The following ADPRM variants were observed in gnomAD, a reference collection of about 807,000 sequenced individuals.
The protein encoded by ADPRM is ADP-ribose/CDP-alcohol diphosphatase, manganese dependent, also known as manganese-dependent ADP-ribose/CDP-alcohol diphosphatase.
ADPRM carries 17 observed loss-of-function variants against 27.2 expected under a neutral mutation model. The observed-to-expected ratio is 0.63, with a 90% confidence interval of 0.43 to 0.94. The LOEUF (loss-of-function observed/expected upper bound fraction) is 0.94. ADPRM is among the 40% of genes least tolerant of loss of function. ADPRM has a pLI of 0.00. For synonymous variants in ADPRM, 135 were observed against 145.3 expected (o/e 0.93, Z 0.51); for missense variants, 337 against 412.8 (o/e 0.82, Z 1.59).
At chr17:10,710,674 C>T (rs904335701) in intron 3 of ADPRM, among the ~76,000 whole-genome samples, 160 bp from the exon 4 acceptor site, 1 of 152,118 alleles carries the variant, frequency 6.6e-6, no homozygotes, top group African/African-American at 2.4e-5. Flanking sequence ...CTGTAGATGG[C>T]CTAGTTTTCT....
At chr17:10,700,592 A>AGAAAAAAAAAAAAAAGCC (rs1251831613) in intron 1 of ADPRM, among the ~76,000 whole-genome samples, 2 of 149,146 alleles carry the variant, frequency 1.3e-5, no homozygotes, top group African/African-American at 5.1e-5. Flanking sequence ...TCTCTACAAA[A>AGAAAAAAAAAAAAAAGCC]GAAAAAAAAA....
At chr17:10,706,396 GA>G in intron 2 of ADPRM, 41 bp from the exon 3 acceptor site, 9 of 1,420,346 alleles carry the variant, frequency 6.3e-6, no homozygotes, top group Admixed American at 3.8e-5. Context: ...CAAATGAGGG[GA>G]AAAATGACTT....
At chr17:10,706,884 C>G (rs932690802) in intron 3 of ADPRM, among the ~76,000 whole-genome samples, 7 of 152,070 alleles carry the variant, frequency 4.6e-5, no homozygotes, top group Admixed American at 2.0e-4. Context: ...TGTAGATTCA[C>G]GTGCATTTGT....
At chr17:10,706,396 G>GA in intron 2 of ADPRM, 42 bp from the exon 3 acceptor site, 2 of 1,420,426 alleles carry the variant, frequency 1.4e-6, no homozygotes, top group South Asian at 2.5e-5. Flanking sequence ...CAAATGAGGG[G>GA]AAAAATGACT....
At chr17:10,699,887 T>C (rs1333545989) in intron 1 of ADPRM, among the ~76,000 whole-genome samples, 1 of 152,218 alleles carries the variant, frequency 6.6e-6, no homozygotes, top group Non-Finnish European at 1.5e-5. Flanking sequence ...TCATCTGATA[T>C]TGGTTCTATC....
In ADPRM at chr17:10,708,450, A is replaced by AAAAAAAAAAAAAAC. The variant is rs57337863; in HGVS notation, c.718+1896_718+1897insAAAAAAAAAAAAAC. ...GTCTCAAAAAAAAAAAAAAAAAAAAACCTTTGAAAATGATAGGCTATTCAG... is the reference window on the plus strand; with the variant it reads ...GTCTCAAAAAAAAAAAAAAAAAAAAAAAAAAAAAAAAAACCCTTTGAAAATGATAGGCTATTCAG... On this transcript the variant is annotated intron_variant, in intron 3 of 3. Transcript: ENST00000379774. Among the ~76,000 whole-genome samples, 15 of 118,938 alleles carry AAAAAAAAAAAAAAC rather than the reference A, an allele frequency of 1.3e-4. 3 individuals carry two copies. The highest frequency in any genetic ancestry group is 2.5e-4 in the East Asian group (1 of 4,024). The allele number at this position is 118,938 out of a possible 152,430, so 78.0% of individuals were successfully genotyped here.
rs545976341 is a variant in ADPRM, at chr17:10,702,066, C to G, written c.-17-2844C>G. On this transcript the variant is annotated intron_variant, in intron 1 of 3. Coordinates refer to ENST00000379774, the MANE Select transcript of ADPRM (RefSeq NM_020233.5). This position sits in a 1 kb window ranked among gnomAD's most constrained non-coding sequence, Gnocchi z 4.2. Reference sequence around the variant, plus strand: ...AGCTCAAAGGAAATGTTAATTGGAGCATTTTGGATTTTGGATTTTCAGATC... The same window carrying G: ...AGCTCAAAGGAAATGTTAATTGGAGGATTTTGGATTTTGGATTTTCAGATC... 6.6e-6 allele frequency among the ~76,000 whole-genome samples: 1 copy of G among 152,276 alleles called. No individual in the cohort carries two copies. The highest frequency in any genetic ancestry group is 2.1e-4 in the South Asian group (1 of 4,822).
chr17:10,699,049 T>G (rs563277767), intron 1 of ADPRM: 3 of 152,336 alleles, frequency 2.0e-5, no homozygotes, highest in Admixed American at 6.5e-5. Flanking sequence ...CTAAAGTGCT[T>G]CTTTTAGTAG....
At chr17:10,698,709 T>G (rs2074753202) in intron 1 of ADPRM, among the ~76,000 whole-genome samples, 1 of 152,258 alleles carries the variant, frequency 6.6e-6, no homozygotes, top group African/African-American at 2.4e-5. Flanking sequence ...CCTGTGTTTC[T>G]TGATTCGCGG....
In ADPRM at chr17:10,711,221, T is replaced by A; in HGVS notation, c.*77T>A. 2 of 1,188,888 alleles carry A rather than the reference T, an allele frequency of 1.7e-6. No homozygotes were observed. The highest frequency in any genetic ancestry group is 2.3e-6 in the Non-Finnish European group (2 of 856,086). The allele number at this position is 1,188,888 out of a possible 1,614,324, so 73.6% of individuals were successfully genotyped here. A position where few individuals can be genotyped will look rare whatever the true frequency, so the allele number is the denominator to read the frequency against. ...AACAAAAAAATAAAAATCCTCTGTC[T>A]CATTGTTTAGTATTCAGCTTGCATA... On this transcript the variant is annotated 3_prime_UTR_variant, in exon 4 of 4. Transcript: ENST00000379774.
chr17:10,709,080 A>T (rs408300), intron 3 of ADPRM, among the ~76,000 whole-genome samples: 75,425 of 151,706 alleles, frequency 0.5, 19,495 homozygotes, highest in African/African-American at 0.65. Flanking sequence ...TAATAAAAAA[A>T]TTTTCTTTTG....
Position 10,705,554 on chromosome 17 carries a change from C to G in ADPRM, c.601+27C>G. On this transcript the variant is annotated intron_variant, in intron 2 of 3. Transcript: ENST00000379774. This position sits in a 1 kb window ranked among gnomAD's most constrained non-coding sequence, Gnocchi z 5.4. Reference sequence around the variant, plus strand: ...TGAATTATTCCTTTGAGCTGAGAATCTAATAGATTGTCTTTAAATTCTTCA... The same window carrying G: ...TGAATTATTCCTTTGAGCTGAGAATGTAATAGATTGTCTTTAAATTCTTCA... 1 of 1,599,384 alleles carries G rather than the reference C, an allele frequency of 6.3e-7. No individual in the cohort carries two copies. Among genetic ancestry groups the G allele is most frequent in the South Asian group, 1.1e-5 (1 of 90,124 alleles).
chr17:10,701,078 T>C (rs1019328800), intron 1 of ADPRM, among the ~76,000 whole-genome samples: 2 of 152,230 alleles, frequency 1.3e-5, no homozygotes, highest in Non-Finnish European at 2.9e-5. Flanking sequence ...GTTATTTTGC[T>C]TCAGGAAACA....
chr17:10,706,187 T>C (rs1194019850), intron 2 of ADPRM, among the ~76,000 whole-genome samples: 1 of 152,042 alleles, frequency 6.6e-6, no homozygotes, highest in East Asian at 1.9e-4. Context: ...AGCGGCTGAG[T>C]GGACTTAAGA....
chr17:10,699,264 G>A (rs1266974607), intron 1 of ADPRM: 3 of 152,010 alleles, frequency 2.0e-5, no homozygotes, highest in African/African-American at 7.2e-5. Flanking sequence ...GCAAGACTCT[G>A]CCTCTAAAAA....
chr17:10,705,152 A>G lies in ADPRM; in HGVS notation c.226A>G (p.Ile76Val). ...PCCVLQLGDI[I>V]DGYNAQYNAS... ...TTGTGTCCTTCAGCTTGGAGATATC[A>G]TCGATGGATATAATGCACAGTATAA... Residue 76 changes from isoleucine (I) to valine (V), a missense_variant, in exon 2 of 4, where the codon ATC becomes GTC. Physicochemically the swap from Ile to Val is conservative, Grantham distance 29. Coordinates refer to ENST00000379774, the MANE Select transcript of ADPRM (RefSeq NM_020233.5). This position sits in a 1 kb window ranked among gnomAD's most constrained non-coding sequence, Gnocchi z 5.4. 1 of 1,614,126 alleles carries G rather than the reference A, an allele frequency of 6.2e-7. No homozygotes were observed. Among genetic ancestry groups the G allele is most frequent in the Admixed American group, 1.7e-5 (1 of 60,022 alleles).
Position 10,704,967 on chromosome 17 carries a change from C to G in ADPRM, c.41C>G (p.Ser14Ter), listed in dbSNP as rs1444054519. 2.5e-6 allele frequency: 4 copies of G among 1,613,820 alleles called. No individual in the cohort carries two copies. Among genetic ancestry groups the G allele is most frequent in the East Asian group, 2.2e-5 (1 of 44,876 alleles). Residue 14 changes from serine to a stop codon, truncating the protein, a stop_gained, in exon 2 of 4, where the codon TCA (serine) becomes TGA (stop). Transcript: ENST00000379774. LOFTEE classifies it high-confidence loss of function. ...KPNPEALSDS[S>*]ERLFSFGVIA... ...AATCCTGAAGCCCTAAGTGACAGTT[C>G]AGAGCGTCTTTTCTCCTTTGGCGTC... is the stretch of plus-strand genomic sequence containing the variant.
Position 10,710,978 on chromosome 17 carries a change from C to A in ADPRM, c.863C>A (p.Pro288His). 1 of 1,614,108 alleles carries A rather than the reference C, an allele frequency of 6.2e-7. No homozygotes were observed. The highest frequency in any genetic ancestry group is 8.5e-7 in the Non-Finnish European group (1 of 1,180,006). The change falls in exon 4 of 4, where the codon CCT (proline) becomes CAT (histidine). Residue 288 changes from proline (P) to histidine (H), a missense_variant. Coordinates refer to ENST00000379774, the MANE Select transcript of ADPRM (RefSeq NM_020233.5). ...CATGATGGTGGCTACTCTGAGGATC[C>A]TTTTGGTGTATACCACGTCAACCTA... ...HTHDGGYSED[P>H]FGVYHVNLEG...
At chr17:10,710,243 AG>A (rs2074842256) in intron 3 of ADPRM, among the ~76,000 whole-genome samples, 1 of 152,202 alleles carries the variant, frequency 6.6e-6, no homozygotes, top group South Asian at 2.1e-4. Context: ...CTGGAACTAC[AG>A]GCACATACCA....
Sources: allele counts gnomAD v4.1 joint callset (sites outside exome capture counted in the v4.1 genomes callset), GRCh38; gene constraint gnomAD v4.1.1; non-coding constraint Gnocchi (gnomAD v3.1); transcripts MANE v1.5; gene names NCBI Gene and HGNC (gene_info 2026-07-23, HGNC 2026-07-21).